Variants in CIB4 observed in about 807,000 individuals in gnomAD.
CIB4 encodes calcium and integrin binding family member 4, also known as calcium and integrin-binding family member 4.
CIB4 carries 25 observed loss-of-function variants against 25.8 expected under a neutral mutation model. The observed-to-expected ratio is 0.97, with a 90% CI of 0.71 to 1.35. The LOEUF is 1.35. Among genes scored for constraint, CIB4 ranks in the 40% most tolerant of loss-of-function variants. The pLI, the probability that CIB4 is intolerant of heterozygous loss-of-function variation, is 0.00. For synonymous variants in CIB4, 75 were observed against 81.4 expected (o/e 0.92, Z 0.42); for missense variants, 235 against 228.2 (o/e 1.03, Z -0.19).
At chr2:26,589,017 CT>C (rs1668514844) in intron 4 of CIB4, among the ~76,000 whole-genome samples, 1 of 25,306 alleles carries the variant, frequency 4.0e-5, no homozygotes, top group East Asian at 1.1e-3. Context: ...TCTTCTTCTT[CT>C]TCTTCTTCTT....
rs548165730 is a variant in CIB4, at chr2:26,627,062, C to G, written c.186+2348G>C. Among the ~76,000 whole-genome samples, 3 of 152,302 alleles carry G rather than the reference C, an allele frequency of 2.0e-5. No individual in the cohort carries two copies. The highest frequency in any genetic ancestry group is 4.8e-5 in the African/African-American group (2 of 41,566). On this transcript the variant is annotated intron_variant, in intron 3 of 6. Coordinates refer to ENST00000288861, the MANE Select transcript of CIB4 (RefSeq NM_001029881.3). The surrounding 1 kb of genome is among the most constrained non-coding windows in gnomAD (Gnocchi z 4.0). Reference sequence around the variant, plus strand: ...AGTGCTTACTCCTTTGGGGGCCAAACAGAGACTCCAGGCCCTACTGAGACA... The same window carrying G: ...AGTGCTTACTCCTTTGGGGGCCAAAGAGAGACTCCAGGCCCTACTGAGACA...
chr2:26,629,793 G>A (rs951111041), intron 2 of CIB4, among the ~76,000 whole-genome samples: 2 of 152,222 alleles, frequency 1.3e-5, no homozygotes, highest in Non-Finnish European at 2.9e-5. Flanking sequence ...AATATGCCCT[G>A]TAGCGAGCAG....
chr2:26,584,260 AC>A lies in CIB4; in HGVS notation c.329-363del, dbSNP rs1157726988. Among the ~76,000 whole-genome samples the A allele has an allele frequency of 2.0e-5, 3 of 151,970 alleles. No homozygotes were observed. In the East Asian group the frequency reaches 5.8e-4, roughly 29 times the overall value. On this transcript the variant is annotated intron_variant, in intron 4 of 6. Transcript: ENST00000288861. ...CCAGGAAGTGGAAGGGGAGATTCAAACCCAGCCAGGCTGACCTCCGAGCCCC... is the reference window on the plus strand; with the variant it reads ...CCAGGAAGTGGAAGGGGAGATTCAAACCAGCCAGGCTGACCTCCGAGCCCC...
intron 3 of CIB4, among the ~76,000 whole-genome samples, chr2:26,608,134 A>G (rs995135644): frequency 1.3e-5 from 2 of 152,044 alleles, no homozygotes; most frequent in African/African-American, 2.4e-5. Flanking sequence ...GCTACTCAGG[A>G]GGCTGAGGCA....
At chr2:26,584,057 C>T (rs907783186) in intron 4 of CIB4, among the ~76,000 whole-genome samples, 159 bp from the exon 5 acceptor site, 5 of 152,222 alleles carry the variant, frequency 3.3e-5, no homozygotes, top group South Asian at 2.1e-4. Context: ...GTGGGTCACA[C>T]GTATGTGCTA....
At chr2:26,608,000 G>A (rs1444108508) in intron 3 of CIB4, among the ~76,000 whole-genome samples, 3 of 152,264 alleles carry the variant, frequency 2.0e-5, no homozygotes, top group Non-Finnish European at 4.4e-5. Flanking sequence ...CACTTTGCAA[G>A]GCTGAGACGG....
At chr2:26,636,150 C>T (rs577143551) in intron 2 of CIB4, among the ~76,000 whole-genome samples, 8 of 152,222 alleles carry the variant, frequency 5.3e-5, no homozygotes, top group Middle Eastern at 3.4e-3. Context: ...GGATTTATTT[C>T]TCTATATATA....
chr2:26,634,721 G>T (rs375148991), intron 2 of CIB4, among the ~76,000 whole-genome samples: 55 of 152,346 alleles, frequency 3.6e-4, no homozygotes, highest in East Asian at 3.1e-3. Flanking sequence ...GCCTTGAGGT[G>T]CCCGTTAATG....
chr2:26,609,637 C>T (rs1452843152), intron 3 of CIB4, among the ~76,000 whole-genome samples: 1 of 152,050 alleles, frequency 6.6e-6, no homozygotes, highest in African/African-American at 2.4e-5. Context: ...GCTCTTGGGC[C>T]AGAGAGGAGG....
At position 26,583,774 on chromosome 2, in the gene CIB4, G is replaced by A. The variant is rs1479112107; in HGVS notation, c.438+15C>T. The A allele has an allele frequency of 6.5e-7, 1 of 1,550,102 alleles. No homozygotes were observed. The highest frequency in any genetic ancestry group is 1.1e-5 in the South Asian group (1 of 89,764). ...CCCCGGCCCCAGCCACCAACTCCCA[G>A]CCCCCAGCACACACGTGGTTCGTGA... On this transcript the variant is annotated intron_variant, in intron 5 of 6. Transcript: ENST00000288861.
intron 4 of CIB4, among the ~76,000 whole-genome samples, chr2:26,594,913 A>G (rs1668650835): frequency 6.6e-6 from 1 of 152,120 alleles, no homozygotes; most frequent in Non-Finnish European, 1.5e-5. Flanking sequence ...TCGCCTGCCC[A>G]CACACCACAC....
At chr2:26,607,784 T>C (rs2148207935) in intron 3 of CIB4, among the ~76,000 whole-genome samples, 1 of 152,360 alleles carries the variant, frequency 6.6e-6, no homozygotes, top group Admixed American at 6.5e-5. Context: ...GCAAAGCTGT[T>C]ACCTGGGCCA....
rs372731792 is a variant in CIB4, at chr2:26,632,724, C to T, written c.90-3218G>A. 7.9e-4 allele frequency among the ~76,000 whole-genome samples: 117 copies of T among 148,200 alleles called. No homozygotes were observed. The South Asian group carries it at 0.018, about 23-fold the overall frequency. ...AGTGAGCTGAGATTGCGCCATTGCA[C>T]GCCAGCTTGGGCGACAGAGTGAGAC... On this transcript the variant is annotated intron_variant, in intron 2 of 6. Coordinates refer to ENST00000288861, the MANE Select transcript of CIB4 (RefSeq NM_001029881.3).
Position 26,625,077 on chromosome 2 carries a change from G to A in CIB4, c.186+4333C>T, listed in dbSNP as rs538599928. ...TTTTTTTGTAAGTCTGGGACATACT[G>A]TGGTAGATGGCACACCACAAAAGAG... is the stretch of plus-strand genomic sequence containing the variant. On this transcript the variant is annotated intron_variant, in intron 3 of 6. Coordinates refer to ENST00000288861, the MANE Select transcript of CIB4 (RefSeq NM_001029881.3). Among the ~76,000 whole-genome samples, 230 of 152,190 alleles carry A rather than the reference G, an allele frequency of 1.5e-3. 1 individual carries two copies. The highest frequency in any genetic ancestry group is 5.4e-3 in the African/African-American group (223 of 41,522).
chr2:26,638,242 C>T (rs1204440925), intron 2 of CIB4, among the ~76,000 whole-genome samples: 5 of 152,210 alleles, frequency 3.3e-5, no homozygotes, highest in African/African-American at 4.8e-5. Flanking sequence ...CAACACAACG[C>T]GGAGCCAAAC....
intron 3 of CIB4, chr2:26,623,414 T>C (rs1615551): frequency 0.43 from 178,920 of 415,862 alleles, 44,112 homozygotes; most frequent in Non-Finnish European, 0.54. Context: ...CCCCACCTAC[T>C]TTTAGGATTT....
At chr2:26,637,223 C>T (rs1013617302) in intron 2 of CIB4, among the ~76,000 whole-genome samples, 1 of 152,164 alleles carries the variant, frequency 6.6e-6, no homozygotes, top group Non-Finnish European at 1.5e-5. Flanking sequence ...CTGTTTTCAC[C>T]TGATCCTGCA....
At chr2:26,592,837 CT>C (rs1201401727) in intron 4 of CIB4, among the ~76,000 whole-genome samples, 1 of 152,018 alleles carries the variant, frequency 6.6e-6, no homozygotes, top group Non-Finnish European at 1.5e-5. Context: ...CTGAGATTTC[CT>C]ATCTTTTCAT....
In CIB4 at chr2:26,623,933, A is replaced by G. The variant is rs139033048; in HGVS notation, c.186+5477T>C. 2.1e-4 allele frequency among the ~76,000 whole-genome samples: 32 copies of G among 152,356 alleles called. No homozygotes were observed. In the South Asian group the frequency reaches 3.5e-3, roughly 17 times the overall value. On this transcript the variant is annotated intron_variant, in intron 3 of 6. Coordinates refer to ENST00000288861, the MANE Select transcript of CIB4 (RefSeq NM_001029881.3). ...GAAAGCAAGATAATTATTTACAAGA[A>G]CAGAAACATTGAGCTAATACACTTT...
Sources: allele counts gnomAD v4.1 joint callset (sites outside exome capture counted in the v4.1 genomes callset), GRCh38; gene constraint gnomAD v4.1.1; non-coding constraint Gnocchi (gnomAD v3.1); transcripts MANE v1.5; gene names NCBI Gene and HGNC (gene_info 2026-07-23, HGNC 2026-07-21).